Variants in CNOT6 observed in about 807,000 individuals in gnomAD.
CNOT6 encodes the protein CCR4-NOT transcription complex subunit 6, also known as carbon catabolite repression 4 protein.
In CNOT6, 12 loss-of-function variants were observed where a neutral mutation model predicts 61.2. The observed-to-expected ratio is 0.20, with a 90% CI of 0.13 to 0.32. CNOT6 has a LOEUF of 0.32. CNOT6 is among the 10% of genes least tolerant of loss of function. CNOT6 has a pLI of 1.00. For missense variants in CNOT6, 405 were observed against 663.9 expected (o/e 0.61, Z 4.28); for synonymous variants, 225 against 240.6 (o/e 0.94, Z 0.60).
chr5:180,529,487 T>C, intron 2 of CNOT6, 99 bp downstream of exon 2: 1 of 711,814 alleles, frequency 1.4e-6, no homozygotes, highest in Non-Finnish European at 2.5e-6. Context: ...TGATTTTATA[T>C]TTTACAAATG....
chr5:180,565,824 GT>G lies in CNOT6; in HGVS notation c.568del (p.Ser190LeufsTer26). ...EPDRTRPTALFSVMCYNVLCD... is the reference protein window; with the variant it reads ...EPDRTRPTALXSVMCYNVLCD... ...GTAAAGTTATCTTTCCTACAGCCTT[GT>G]TTTCTGTCATGTGCTATAATGTTCT... On this transcript the variant is annotated frameshift_variant, in exon 7 of 12. Transcript: ENST00000261951. LOFTEE classifies it high-confidence loss of function. 6.3e-7 allele frequency: 1 copy of G among 1,581,308 alleles called. No homozygotes were observed. Among genetic ancestry groups the G allele is most frequent in the Non-Finnish European group, 8.6e-7 (1 of 1,159,860 alleles).
rs767797770 is a variant in CNOT6 at position 180,504,243 on chromosome 5, A to G, written c.-3+9480A>G. ...GTATAGCTTTCAAATTTTCTGAAAC[A>G]TTATCAGTGGCCTTAGAGTAAGATT... On this transcript the variant is annotated intron_variant, in intron 1 of 11. Coordinates refer to ENST00000261951, the MANE Select transcript of CNOT6 (RefSeq NM_001370472.1). Among the ~76,000 whole-genome samples, 46 of 152,204 alleles carry G rather than the reference A, an allele frequency of 3.0e-4. 1 individual carries two copies. The highest frequency in any genetic ancestry group is 8.5e-4 in the Admixed American group (13 of 15,264).
intron 1 of CNOT6, among the ~76,000 whole-genome samples, chr5:180,504,949 T>C (rs1427422613): frequency 7.3e-6 from 1 of 136,504 alleles, no homozygotes; most frequent in African/African-American, 2.7e-5. Context: ...TCTGAGGTAC[T>C]AGTTAATTTT....
chr5:180,526,514 T>C (rs1389677992), intron 1 of CNOT6, among the ~76,000 whole-genome samples: 1 of 152,122 alleles, frequency 6.6e-6, no homozygotes, highest in Non-Finnish European at 1.5e-5. Flanking sequence ...GGTCATCAGC[T>C]GAGAGGGAGG....
At chr5:180,504,883 A>G (rs556408002) in intron 1 of CNOT6, among the ~76,000 whole-genome samples, 7 of 152,112 alleles carry the variant, frequency 4.6e-5, no homozygotes, top group African/African-American at 1.7e-4. Context: ...TAAAGTTCTC[A>G]GTTCTAATTT....
intron 1 of CNOT6, among the ~76,000 whole-genome samples, chr5:180,526,913 A>G (rs1758127186): frequency 6.7e-6 from 1 of 148,900 alleles, no homozygotes; most frequent in Admixed American, 6.8e-5. Flanking sequence ...GACAGGATTC[A>G]CTGTCGCCCA....
chr5:180,517,595 G>A (rs1451134124), intron 1 of CNOT6, among the ~76,000 whole-genome samples: 1 of 151,684 alleles, frequency 6.6e-6, no homozygotes, highest in Non-Finnish European at 1.5e-5. Flanking sequence ...CCAGGCTGGA[G>A]TGCAGTGGCG....
Position 180,553,464 on chromosome 5 carries a change from C to G in CNOT6, c.378C>G (p.Gly126=), listed in dbSNP as rs199907095. ...AACTGTTTCAGTTGCAGACTTTAGG[C>G]CTGAAAGGTATGACTTCCATATTTG... ...LGKLFQLQTL[G]LKGNPLTQDI... is the part of the protein sequence containing the mutation. The change falls in exon 4 of 12, where the codon GGC becomes GGG. Residue 126 remains glycine (G), a synonymous_variant. Coordinates refer to ENST00000261951, the MANE Select transcript of CNOT6 (RefSeq NM_001370472.1). 6.2e-7 allele frequency: 1 copy of G among 1,611,568 alleles called. No homozygotes were observed. The highest frequency in any genetic ancestry group is 8.5e-7 in the Non-Finnish European group (1 of 1,177,876).
chr5:180,503,883 G>A (rs1335262987), intron 1 of CNOT6, among the ~76,000 whole-genome samples: 1 of 152,130 alleles, frequency 6.6e-6, no homozygotes, highest in Non-Finnish European at 1.5e-5. Flanking sequence ...GGGATTACAG[G>A]CGTGAGCCAC....
At chr5:180,500,415 T>G (rs1756817229) in intron 1 of CNOT6, among the ~76,000 whole-genome samples, 1 of 149,096 alleles carries the variant, frequency 6.7e-6, no homozygotes, top group South Asian at 2.1e-4. Context: ...CCTGGCCAAA[T>G]TCACGTTTTC....
intron 1 of CNOT6, among the ~76,000 whole-genome samples, chr5:180,526,457 G>A (rs190923532): frequency 3.3e-5 from 5 of 152,306 alleles, no homozygotes; most frequent in Non-Finnish European, 7.4e-5. Flanking sequence ...ATAGGTGGGA[G>A]TTCGTAGAAA....
intron 1 of CNOT6, among the ~76,000 whole-genome samples, chr5:180,522,078 C>T (rs1448717103): frequency 3.3e-5 from 5 of 152,054 alleles, no homozygotes; most frequent in African/African-American, 1.2e-4. Flanking sequence ...CTGGGCCAAA[C>T]GGGTAGTTCT....
intron 2 of CNOT6, among the ~76,000 whole-genome samples, chr5:180,537,796 T>C (rs1359881418): frequency 2.7e-5 from 3 of 113,138 alleles, no homozygotes; most frequent in African/African-American, 1.0e-4. Flanking sequence ...TTATTCCTCT[T>C]TCTCTCTCTT....
intron 9 of CNOT6, 138 bp from the exon 10 acceptor site, chr5:180,568,968 ACATT>A (rs1351197737): frequency 1.7e-5 from 11 of 631,040 alleles, no homozygotes; most frequent in South Asian, 1.0e-4. Flanking sequence ...GTTGTAGGGC[ACATT>A]CAGTCATCCG....
In CNOT6 at chr5:180,538,149, C is replaced by T. The variant is rs553848485; in HGVS notation, c.112+8761C>T. On this transcript the variant is annotated intron_variant, in intron 2 of 11. Transcript: ENST00000261951. ...CGCCTCCCAGGTTCAAGCCATTGTC[C>T]TGCCTCAGCCTCCCAAGTAGCTGGG... Among the ~76,000 whole-genome samples the T allele has an allele frequency of 4.7e-5, 7 of 149,386 alleles. No individual in the cohort carries two copies. In the East Asian group the frequency reaches 1.4e-3, roughly 30 times the overall value.
rs570929570 is a variant in CNOT6 at position 180,519,469 on chromosome 5, C to G, written c.-2-9806C>G. 1.3e-4 allele frequency among the ~76,000 whole-genome samples: 20 copies of G among 152,256 alleles called. No individual in the cohort carries two copies. In the South Asian group the frequency reaches 4.1e-3, roughly 32 times the overall value. The stretch of plus-strand genomic sequence containing the variant: ...GGGCTGTATGTTTCCTTAGTAATTG[C>G]TCATCTGGAAAAAGTCCTTTCATCT... On this transcript the variant is annotated intron_variant, in intron 1 of 11. Transcript: ENST00000261951.
At chr5:180,547,240 C>A (rs1759358559) in intron 2 of CNOT6, among the ~76,000 whole-genome samples, 1 of 152,040 alleles carries the variant, frequency 6.6e-6, no homozygotes, top group Non-Finnish European at 1.5e-5. Context: ...TTACTCCTGG[C>A]CAGGCGCTGT....
intron 5 of CNOT6, 23 bp downstream of exon 5, chr5:180,564,616 CT>C: frequency 6.2e-7 from 1 of 1,609,174 alleles, no homozygotes; most frequent in Non-Finnish European, 8.5e-7. Flanking sequence ...TTGTTTAAAC[CT>C]TTTTATTAGG....
chr5:180,504,424 A>G (rs1238975620), intron 1 of CNOT6, among the ~76,000 whole-genome samples: 1 of 152,250 alleles, frequency 6.6e-6, no homozygotes, highest in African/African-American at 2.4e-5. Flanking sequence ...GGCAGCCTAG[A>G]GTAAATATTG....
Sources: gnomAD v4.1 joint callset for allele counts (sites outside exome capture counted in the v4.1 genomes callset) on GRCh38, gnomAD v4.1.1 for gene constraint, MANE v1.5 for transcripts, NCBI Gene and HGNC (gene_info 2026-07-23, HGNC 2026-07-21) for gene names.